The following SPATC1L variants were observed in gnomAD, a reference collection of about 807,000 sequenced individuals.
The protein encoded by SPATC1L is speriolin-like protein.
SPATC1L carries 20 observed loss-of-function variants against 21.2 expected under a neutral mutation model. The observed-to-expected ratio is 0.94, with a 90% CI of 0.66 to 1.37. SPATC1L has a LOEUF of 1.37. Ranked by LOEUF, SPATC1L falls within the 40% of genes most tolerant of loss-of-function variation. The pLI is 0.00. For synonymous variants in SPATC1L, 290 were observed against 234.5 expected (o/e 1.24, Z -2.16); for missense variants, 499 against 478.7 (o/e 1.04, Z -0.40).
At chr21:46,168,782 T>A in intron 2 of SPATC1L, 124 bp from the exon 3 acceptor site, 1 of 547,758 alleles carries the variant, frequency 1.8e-6, no homozygotes. Context: ...TGCCGGGGTT[T>A]CCCTGGCTTC....
At chr21:46,162,204 T>G in intron 3 of SPATC1L, 137 bp from the exon 4 acceptor site, 1 of 1,028,274 alleles carries the variant, frequency 9.7e-7, no homozygotes. Flanking sequence ...GTCTGGCAAA[T>G]AGAATCTGAA....
intron 2 of SPATC1L, among the ~76,000 whole-genome samples, chr21:46,169,393 A>AG (rs1284007799): frequency 1.2e-5 from 1 of 85,044 alleles, no homozygotes; most frequent in Non-Finnish European, 2.4e-5. Flanking sequence ...GATGGGGAGG[A>AG]GCCCCTGCTC....
At chr21:46,176,669 AG>A (rs2079635487) in intron 2 of SPATC1L, among the ~76,000 whole-genome samples, 1 of 152,252 alleles carries the variant, frequency 6.6e-6, no homozygotes, top group Non-Finnish European at 1.5e-5. Context: ...GTTCATGCAT[AG>A]GAAGAATCAA....
rs112867754 is a variant in SPATC1L, at chr21:46,184,245, A to C, written c.-959+111T>G. 895 of 153,692 alleles carry C rather than the reference A, an allele frequency of 5.8e-3. 4 individuals are homozygous for C. Among genetic ancestry groups the C allele is most frequent in the Non-Finnish European group, 9.8e-3 (675 of 68,664 alleles). The allele number at this position is 153,692 out of a possible 1,614,324, so 9.5% of individuals were successfully genotyped here. A position where few individuals can be genotyped will look rare whatever the true frequency, so the allele number is the denominator to read the frequency against. ...GCCACGGCCCCTCGGGCCGTCACAC[A>C]GGGCTGCGGCTCATGGGGCCCTGCT... On this transcript the variant is annotated intron_variant, in intron 1 of 4. Transcript: ENST00000291672.
chr21:46,182,754 C>T lies in SPATC1L; in HGVS notation c.63G>A (p.Gln21=). 1 of 1,548,104 alleles carries T rather than the reference C, an allele frequency of 6.5e-7. No individual in the cohort carries two copies. Among genetic ancestry groups the T allele is most frequent in the Non-Finnish European group, 8.7e-7 (1 of 1,146,572 alleles). ...LLSENADLKK[Q]VRLLKENQML... ...TCTGATTCTCCTTCAGGAGGCGCAC[C>T]TGCTTCTTCAGGTCCGCGTTCTCGC... The change falls in exon 2 of 5, where the codon CAG becomes CAA. Residue 21 remains glutamine, a synonymous_variant. Coordinates refer to ENST00000291672, the MANE Select transcript of SPATC1L (RefSeq NM_001142854.2).
intron 3 of SPATC1L, 31 bp downstream of exon 3, chr21:46,168,277 C>G: frequency 3.4e-6 from 5 of 1,460,224 alleles, no homozygotes; most frequent in Admixed American, 2.0e-5. Flanking sequence ...GCACTGGGGG[C>G]CCCCCCAGGT....
chr21:46,161,840 C>A (rs2079496657), intron 4 of SPATC1L, 76 bp downstream of exon 4: 4 of 1,553,566 alleles, frequency 2.6e-6, no homozygotes, highest in Non-Finnish European at 2.6e-6. Flanking sequence ...CGGCCAGGAG[C>A]CAAGATCTGG....
chr21:46,179,863 G>A (rs1312662625), intron 2 of SPATC1L, among the ~76,000 whole-genome samples: 4 of 152,230 alleles, frequency 2.6e-5, no homozygotes, highest in East Asian at 1.9e-4. Context: ...GGCCCTTCGC[G>A]TCACTCACTT....
At chr21:46,172,187 C>T (rs1240559123) in intron 2 of SPATC1L, among the ~76,000 whole-genome samples, 5 of 131,964 alleles carry the variant, frequency 3.8e-5, no homozygotes, top group Non-Finnish European at 7.8e-5. Flanking sequence ...GAGCGTGAGG[C>T]GGAGGATGCA....
chr21:46,174,930 A>G (rs1368228657), intron 2 of SPATC1L, among the ~76,000 whole-genome samples: 1 of 152,230 alleles, frequency 6.6e-6, no homozygotes, highest in East Asian at 1.9e-4. Flanking sequence ...TCCTCAGCAA[A>G]TGCAAAACAA....
chr21:46,163,152 G>T (rs1475702396), intron 3 of SPATC1L, among the ~76,000 whole-genome samples: 3 of 152,114 alleles, frequency 2.0e-5, no homozygotes, highest in Non-Finnish European at 2.9e-5. Context: ...ATCTATTCAG[G>T]TCCTGTAGTG....
At position 46,182,683 on chromosome 21, in the gene SPATC1L, T is replaced by C. The variant is rs1302478982; in HGVS notation, c.134A>G (p.His45Arg). 7 of 1,542,618 alleles carry C rather than the reference T, an allele frequency of 4.5e-6. No homozygotes were observed. The highest frequency in any genetic ancestry group is 4.4e-6 in the Non-Finnish European group (5 of 1,146,436). The change falls in exon 2 of 5, where the codon CAC (histidine) becomes CGC (arginine). Residue 45 changes from histidine (H) to arginine (R), a missense_variant. Transcript: ENST00000291672. Reference protein sequence around the residue: ...LSQSCQEGGGHDLLPPRAHAY... With the variant: ...LSQSCQEGGGRDLLPPRAHAY... ...ATGCGCCCTGGGTGGGAGCAGGTCG[T>C]GGCCGCCGCCCTCCTGGCAGCTCTG...
chr21:46,180,296 G>C lies in SPATC1L; in HGVS notation c.193+2328C>G, dbSNP rs140977116. Among the ~76,000 whole-genome samples, 33 of 152,324 alleles carry C rather than the reference G, an allele frequency of 2.2e-4. No individual in the cohort carries two copies. The East Asian group carries it at 4.4e-3, about 21-fold the overall frequency. ...AAGTTGCGGAACAGCACAATCCCGTGTAGGTGGACCAAAAAGATACACAGA... is the reference window on the plus strand; with the variant it reads ...AAGTTGCGGAACAGCACAATCCCGTCTAGGTGGACCAAAAAGATACACAGA... On this transcript the variant is annotated intron_variant, in intron 2 of 4. Transcript: ENST00000291672.
rs1376149703 is a variant in SPATC1L, at chr21:46,161,269, C to T, written c.*110G>A. ...GGGAGCGGGGCCTTCTCTGGCCTCG[C>T]GCGCGGGGGACGCGGCCCTTTCCCC... On this transcript the variant is annotated 3_prime_UTR_variant, in exon 5 of 5. Coordinates refer to ENST00000291672, the MANE Select transcript of SPATC1L (RefSeq NM_001142854.2). 1.7e-5 allele frequency: 19 copies of T among 1,108,258 alleles called. No homozygotes were observed. The highest frequency in any genetic ancestry group is 2.3e-5 in the Non-Finnish European group (19 of 822,402). The allele number at this position is 1,108,258 out of a possible 1,614,324, so 68.7% of individuals were successfully genotyped here.
intron 2 of SPATC1L, among the ~76,000 whole-genome samples, chr21:46,177,562 T>C (rs968968749): frequency 1.2e-4 from 19 of 152,158 alleles, no homozygotes; most frequent in African/African-American, 4.6e-4. Flanking sequence ...AGACACCATC[T>C]CACACCAGTC....
intron 2 of SPATC1L, among the ~76,000 whole-genome samples, chr21:46,170,054 CTGCTCTG>C (rs2079573497): frequency 1.1e-5 from 1 of 94,138 alleles, no homozygotes; most frequent in Non-Finnish European, 2.2e-5. Context: ...GGAGGAGCCT[CTGCTCTG>C]TGAGCATCCT....
At chr21:46,163,542 G>C (rs2079518136) in intron 3 of SPATC1L, among the ~76,000 whole-genome samples, 2 of 152,168 alleles carry the variant, frequency 1.3e-5, no homozygotes, top group African/African-American at 4.8e-5. Flanking sequence ...GTGGAGTAAG[G>C]CCCAGCCTCA....
At chr21:46,173,841 C>G (rs2053222785) in intron 2 of SPATC1L, among the ~76,000 whole-genome samples, 2 of 152,180 alleles carry the variant, frequency 1.3e-5, no homozygotes, top group African/African-American at 4.8e-5. Flanking sequence ...GCTGTAGCTG[C>G]AGTACCTCAG....
intron 2 of SPATC1L, among the ~76,000 whole-genome samples, chr21:46,179,236 C>T (rs1426852401): frequency 6.6e-6 from 1 of 151,846 alleles, no homozygotes; most frequent in Non-Finnish European, 1.5e-5. Flanking sequence ...GAACATAGAC[C>T]CTGTCTGAAA....
Sources: allele counts gnomAD v4.1 joint callset (sites outside exome capture counted in the v4.1 genomes callset), GRCh38; gene constraint gnomAD v4.1.1; transcripts MANE v1.5; gene names NCBI Gene and HGNC (gene_info 2026-07-23, HGNC 2026-07-21).